Variants in HYCC1 observed in about 807,000 individuals in gnomAD.
HYCC1 encodes the protein hyccin.
At chr7:22,992,631 C>G in the HYCC1 span, among the ~76,000 whole-genome samples, 1 of 152,006 alleles carries the variant, frequency 6.6e-6, no homozygotes, top group Admixed American at 6.5e-5. Flanking sequence ...TTCTCTTTGT[C>G]TTACTGTTAT....
At chr7:22,994,838 A>C in the HYCC1 span, among the ~76,000 whole-genome samples, 1 of 152,074 alleles carries the variant, frequency 6.6e-6, no homozygotes, top group Non-Finnish European at 1.5e-5. Flanking sequence ...GTCCAGCACC[A>C]CAAGAAGCTA....
the HYCC1 span, chr7:22,985,756 G>T: frequency 6.6e-6 from 1 of 150,676 alleles, no homozygotes; most frequent in East Asian, 1.9e-4. Context: ...TTATATAAAA[G>T]GGAATAACAG....
chr7:22,906,274 C>A, the HYCC1 span, among the ~76,000 whole-genome samples: 4 of 152,180 alleles, frequency 2.6e-5, no homozygotes, highest in East Asian at 7.7e-4. Context: ...AAAATGGACT[C>A]GTGTATTTAT....
the HYCC1 span, chr7:22,983,864 C>T: frequency 8.3e-6 from 7 of 839,566 alleles, no homozygotes; most frequent in Admixed American, 5.4e-5. Context: ...TTTCTTACCC[C>T]TTTATATCTA....
the HYCC1 span, among the ~76,000 whole-genome samples, chr7:22,933,425 T>G: frequency 6.6e-6 from 1 of 152,214 alleles, no homozygotes; most frequent in Non-Finnish European, 1.5e-5. Flanking sequence ...TCTCTTTATC[T>G]CTAATAACAA....
chr7:22,930,407 AAAAG>A, the HYCC1 span, among the ~76,000 whole-genome samples: 5 of 150,702 alleles, frequency 3.3e-5, no homozygotes, highest in South Asian at 8.3e-4. Context: ...AAAAAAAAAG[AAAAG>A]AAAGAAGAAG....
At chr7:23,008,721 A>G in the HYCC1 span, among the ~76,000 whole-genome samples, 1 of 152,060 alleles carries the variant, frequency 6.6e-6, no homozygotes. Flanking sequence ...TCATATATCC[A>G]TATCTATAGA....
the HYCC1 span, among the ~76,000 whole-genome samples, chr7:23,002,151 T>C: frequency 2.2e-4 from 6 of 26,734 alleles, no homozygotes; most frequent in Admixed American, 4.8e-4. Flanking sequence ...TATATATATA[T>C]ATATATATAT....
the HYCC1 span, among the ~76,000 whole-genome samples, chr7:22,962,432 A>T: frequency 2.0e-5 from 3 of 152,194 alleles, no homozygotes; most frequent in African/African-American, 7.2e-5. Flanking sequence ...GAAGGAAAAG[A>T]GTAACCACTC....
the HYCC1 span, among the ~76,000 whole-genome samples, chr7:22,903,179 T>A: frequency 6.6e-6 from 1 of 152,158 alleles, no homozygotes; most frequent in Non-Finnish European, 1.5e-5. Flanking sequence ...CTCAAAAGGT[T>A]GAACATAGTT....
the HYCC1 span, among the ~76,000 whole-genome samples, chr7:22,951,832 C>CA: frequency 6.6e-6 from 1 of 151,670 alleles, no homozygotes; most frequent in Non-Finnish European, 1.5e-5. Context: ...ATTAACTAAA[C>CA]AAAAACAAAA....
At chr7:22,923,911 C>T in the HYCC1 span, among the ~76,000 whole-genome samples, 3 of 147,260 alleles carry the variant, frequency 2.0e-5, no homozygotes, top group East Asian at 6.3e-4. Context: ...AATCACAGCA[C>T]TTTGGAAAGC....
the HYCC1 span, chr7:22,977,315 A>G: frequency 7.2e-7 from 1 of 1,392,848 alleles, no homozygotes; most frequent in Non-Finnish European, 1.0e-6. Context: ...GGGTCAATAA[A>G]CTTACTGTGA....
the HYCC1 span, among the ~76,000 whole-genome samples, chr7:22,912,449 G>C: frequency 6.6e-6 from 1 of 152,176 alleles, no homozygotes; most frequent in East Asian, 1.9e-4. Context: ...TTCCAGGAGA[G>C]TATAGCCAGG....
chr7:22,952,032 T>A, the HYCC1 span, among the ~76,000 whole-genome samples: 1 of 151,988 alleles, frequency 6.6e-6, no homozygotes, highest in Non-Finnish European at 1.5e-5. Context: ...TATACATTTC[T>A]TTATCATTCA....
chr7:23,013,945 C>CACCT, the HYCC1 span: 1 of 470,532 alleles, frequency 2.1e-6, no homozygotes. Flanking sequence ...GCCGGAGCTC[C>CACCT]ACCTGCAGGA....
At chr7:22,910,691 C>A in the HYCC1 span, among the ~76,000 whole-genome samples, 1 of 152,016 alleles carries the variant, frequency 6.6e-6, no homozygotes, top group African/African-American at 2.4e-5. Flanking sequence ...CTAAAATGGG[C>A]AAATTTTCAT....
chr7:22,913,799 T>A, the HYCC1 span, among the ~76,000 whole-genome samples: 4 of 152,340 alleles, frequency 2.6e-5, no homozygotes, highest in African/African-American at 9.6e-5. Flanking sequence ...AACGCCTGTT[T>A]GCTGGTATCT....
At chr7:22,945,528 A>G in the HYCC1 span, 1 of 1,305,628 alleles carries the variant, frequency 7.7e-7, no homozygotes, top group Non-Finnish European at 1.1e-6. Flanking sequence ...GGGTACTTTC[A>G]TAAAGAAGCA....
Sources: allele counts gnomAD v4.1 joint callset (sites outside exome capture counted in the v4.1 genomes callset), GRCh38; gene constraint gnomAD v4.1.1; transcripts MANE v1.5; gene names NCBI Gene and HGNC (gene_info 2026-07-23, HGNC 2026-07-21).